TRAT1: variants seen among roughly 807,000 people sequenced by gnomAD.
TRAT1 encodes the protein T cell receptor associated transmembrane adaptor 1.
In TRAT1, 20 loss-of-function variants were observed where a neutral mutation model predicts 20.0. The observed-to-expected ratio is 1.00, with a 90% CI of 0.70 to 1.45. The LOEUF is 1.45. Ranked by LOEUF, TRAT1 falls within the 40% of genes most tolerant of loss-of-function variation. The pLI is 0.00. For synonymous variants in TRAT1, 77 were observed against 74.2 expected (o/e 1.04, Z -0.20); for missense variants, 237 against 224.1 (o/e 1.06, Z -0.37).
chr3:108,833,689 A>G (rs1250645760), intron 2 of TRAT1, among the ~76,000 whole-genome samples: 1 of 152,126 alleles, frequency 6.6e-6, no homozygotes, highest in Non-Finnish European at 1.5e-5. Context: ...CTCTGCCTTC[A>G]ATATTTAGCT....
intron 2 of TRAT1, among the ~76,000 whole-genome samples, chr3:108,837,290 C>T (rs1945849279): frequency 6.6e-6 from 1 of 152,182 alleles, no homozygotes; most frequent in Non-Finnish European, 1.5e-5. Context: ...AAATGGAATA[C>T]ATTCATCACT....
chr3:108,844,398 T>G lies in TRAT1; in HGVS notation c.153-2670T>G, dbSNP rs148458271. Among the ~76,000 whole-genome samples, 1,116 of 151,852 alleles carry G rather than the reference T, an allele frequency of 7.3e-3. 13 individuals are homozygous for G. The highest frequency in any genetic ancestry group is 0.021 in the African/African-American group (889 of 41,422). Reference sequence around the variant, plus strand: ...AGTGGTGCAATCCCGGCTCACTGCCTTCTCTGCCTCCTGGGTTCACGCCAG... The same window carrying G: ...AGTGGTGCAATCCCGGCTCACTGCCGTCTCTGCCTCCTGGGTTCACGCCAG... On this transcript the variant is annotated intron_variant, in intron 3 of 5. Coordinates refer to ENST00000295756, the MANE Select transcript of TRAT1 (RefSeq NM_016388.4).
At chr3:108,827,465 A>G (rs1945752347) in intron 1 of TRAT1, among the ~76,000 whole-genome samples, 1 of 151,564 alleles carries the variant, frequency 6.6e-6, no homozygotes. Context: ...TTCCATCATT[A>G]TCTACTTAAT....
intron 3 of TRAT1, among the ~76,000 whole-genome samples, chr3:108,843,123 A>G (rs1301909214): frequency 1.3e-5 from 2 of 152,220 alleles, no homozygotes; most frequent in Non-Finnish European, 2.9e-5. Context: ...TCACTCTGTC[A>G]ACTTTTCCTT....
At chr3:108,849,965 C>G (rs1472701593) in intron 5 of TRAT1, among the ~76,000 whole-genome samples, 1 of 152,204 alleles carries the variant, frequency 6.6e-6, no homozygotes, top group African/African-American at 2.4e-5. Flanking sequence ...TTTTTCTTCT[C>G]CTCTCAGATC....
intron 4 of TRAT1, among the ~76,000 whole-genome samples, chr3:108,847,731 A>C (rs1356207766): frequency 6.6e-6 from 1 of 152,158 alleles, no homozygotes; most frequent in Non-Finnish European, 1.5e-5. Context: ...ATTTCTCCAA[A>C]CAGATAACCT....
intron 4 of TRAT1, among the ~76,000 whole-genome samples, chr3:108,848,293 A>G (rs1373197515): frequency 6.6e-6 from 1 of 152,200 alleles, no homozygotes; most frequent in Non-Finnish European, 1.5e-5. Flanking sequence ...ATGATTTGAG[A>G]AACACCACTC....
intron 5 of TRAT1, among the ~76,000 whole-genome samples, chr3:108,851,301 C>G (rs974166700): frequency 6.6e-6 from 1 of 152,198 alleles, no homozygotes; most frequent in African/African-American, 2.4e-5. Flanking sequence ...TTTAGTATCT[C>G]AGTCTTCTAT....
At chr3:108,849,011 C>T (rs1156292987) in intron 4 of TRAT1, among the ~76,000 whole-genome samples, 155 bp from the exon 5 acceptor site, 1 of 152,208 alleles carries the variant, frequency 6.6e-6, no homozygotes, top group Non-Finnish European at 1.5e-5. Flanking sequence ...ACAGTTTGGG[C>T]TTCCTTACCT....
In TRAT1 at chr3:108,838,966, A is replaced by T; in HGVS notation, c.151A>T (p.Arg51Trp). 2 of 1,605,524 alleles carry T rather than the reference A, an allele frequency of 1.2e-6. No individual in the cohort carries two copies. Among genetic ancestry groups the T allele is most frequent in the South Asian group, 2.2e-5 (2 of 90,820 alleles). Residue 51 changes from arginine to tryptophan, a missense_variant and splice_region_variant, in exon 3 of 6, where the codon AGG becomes TGG. Coordinates refer to ENST00000295756, the MANE Select transcript of TRAT1 (RefSeq NM_016388.4). Reference sequence around the variant, plus strand: ...GTACAGCTACTCCAGTGACCACACCAGGTATGTTGTGATTCAGTCATGGAT... The same window carrying T: ...GTACAGCTACTCCAGTGACCACACCTGGTATGTTGTGATTCAGTCATGGAT... The part of the protein sequence containing the change: ...KMYSYSSDHT[R>W]VDEYYIEDTP...
chr3:108,824,607 T>A (rs1439387505), intron 1 of TRAT1, among the ~76,000 whole-genome samples: 1 of 152,232 alleles, frequency 6.6e-6, no homozygotes, highest in Non-Finnish European at 1.5e-5. Context: ...AGATTGCATA[T>A]ATTATAATTT....
chr3:108,835,917 ATTTATTTATTTAT>A (rs1405465362), intron 2 of TRAT1, among the ~76,000 whole-genome samples: 1 of 148,946 alleles, frequency 6.7e-6, no homozygotes, highest in African/African-American at 2.5e-5. Flanking sequence ...TTATTTATTT[ATTTATTTATTTAT>A]TTATTTTTTG....
rs1468594673 is a variant in TRAT1, at chr3:108,830,678, G to C, written c.16G>C (p.Gly6Arg). 1.9e-6 allele frequency: 3 copies of C among 1,608,868 alleles called. No homozygotes were observed. The Admixed American group carries it at 5.0e-5, about 27-fold the overall frequency. The change falls in exon 2 of 6, where the codon GGG (glycine) becomes CGG (arginine). Residue 6 changes from glycine (G) to arginine (R), a missense_variant. Transcript: ENST00000295756. ...TTTATTTTAATTTCCAGGAATCTCT[G>C]GGTGCCCCTTTTTCCTCTGGGGACT... MSGISGCPFFLWGLLA... is the reference protein window; with the variant it reads MSGISRCPFFLWGLLA...
intron 1 of TRAT1, among the ~76,000 whole-genome samples, chr3:108,824,999 T>A (rs1945723513): frequency 6.6e-6 from 1 of 152,128 alleles, no homozygotes; most frequent in African/African-American, 2.4e-5. Context: ...AGCTCCTACA[T>A]CAACAGTTGA....
intron 3 of TRAT1, among the ~76,000 whole-genome samples, chr3:108,841,783 A>G (rs2107512532): frequency 6.6e-6 from 1 of 152,276 alleles, no homozygotes; most frequent in African/African-American, 2.4e-5. Flanking sequence ...ACTTTCTGCT[A>G]TTTATTCTTG....
At chr3:108,850,909 T>C (rs1429763359) in intron 5 of TRAT1, among the ~76,000 whole-genome samples, 1 of 152,222 alleles carries the variant, frequency 6.6e-6, no homozygotes, top group Non-Finnish European at 1.5e-5. Context: ...TTGACCTGCA[T>C]CTGGCTTTCA....
At chr3:108,840,110 T>C (rs9842631) in intron 3 of TRAT1, among the ~76,000 whole-genome samples, 13 of 152,032 alleles carry the variant, frequency 8.6e-5, no homozygotes, top group African/African-American at 2.4e-4. Flanking sequence ...GTCTTTTTTT[T>C]AAAAAAATTC....
At chr3:108,825,268 A>G (rs1945726557) in intron 1 of TRAT1, among the ~76,000 whole-genome samples, 1 of 152,192 alleles carries the variant, frequency 6.6e-6, no homozygotes, top group Non-Finnish European at 1.5e-5. Context: ...GCCTGTAGTC[A>G]CTGCATCATC....
At chr3:108,835,290 G>C (rs1945828854) in intron 2 of TRAT1, among the ~76,000 whole-genome samples, 1 of 152,242 alleles carries the variant, frequency 6.6e-6, no homozygotes, top group Non-Finnish European at 1.5e-5. Flanking sequence ...AATCACAGGA[G>C]AGGATTATGA....
Sources: gnomAD v4.1 joint callset for allele counts (sites outside exome capture counted in the v4.1 genomes callset) on GRCh38, gnomAD v4.1.1 for gene constraint, MANE v1.5 for transcripts, NCBI Gene and HGNC (gene_info 2026-07-23, HGNC 2026-07-21) for gene names.